IL6ST: variants seen among roughly 807,000 people sequenced by gnomAD.
IL6ST encodes the protein interleukin-6 receptor subunit beta.
IL6ST carries 24 observed loss-of-function variants against 91.3 expected under a neutral mutation model. The ratio of observed to expected loss-of-function variants is 0.26; its 90% CI spans 0.19 to 0.37. The LOEUF is 0.37. Among genes scored for constraint, IL6ST ranks in the 10% least tolerant of loss-of-function variants. The probability of loss-of-function intolerance (pLI) is 1.00; values close to 1 mark genes in which losing one functional copy is unlikely to be tolerated. For synonymous variants in IL6ST, 351 were observed against 373.6 expected, an observed-to-expected ratio of 0.94 and a Z score of 0.70; for missense variants, 914 against 1,078.5, an observed-to-expected ratio of 0.85 and a Z score of 2.14.
At chr5:55,969,364 C>T (rs1050166323) in intron 4 of IL6ST, among the ~76,000 whole-genome samples, 186 bp downstream of exon 4, 4 of 152,186 alleles carry the variant, frequency 2.6e-5, no homozygotes, top group Middle Eastern at 3.4e-3. Flanking sequence ...TAAAGTGAAA[C>T]TGCTTGACTT....
At chr5:55,943,390 A>C (rs1361110797) in intron 15 of IL6ST, among the ~76,000 whole-genome samples, 1 of 152,216 alleles carries the variant, frequency 6.6e-6, no homozygotes, top group African/African-American at 2.4e-5. Flanking sequence ...TCTGGGCAAA[A>C]GGAAACAATT....
At chr5:55,945,140 A>G (rs912857448) in intron 15 of IL6ST, among the ~76,000 whole-genome samples, 2 of 152,162 alleles carry the variant, frequency 1.3e-5, no homozygotes, top group Non-Finnish European at 2.9e-5. Flanking sequence ...TAGTTTTAAA[A>G]AAGTTGACAA....
rs768511842 is a variant in IL6ST at position 55,969,671 on chromosome 5, G to C, written c.249C>G (p.Asn83Lys). Residue 83 changes from asparagine to lysine, a missense_variant, in exon 4 of 17, where the codon AAC (asparagine) becomes AAG (lysine). Coordinates refer to ENST00000381298, the MANE Select transcript of IL6ST (RefSeq NM_002184.4). ...TIPKEQYTII[N>K]RTASSVTFTD... ...TAAAGGTGACACTGGATGCTGTTCT[G>C]TTTATGATAGTATATTGCTCCTTAG... 1.2e-6 allele frequency: 2 copies of C among 1,612,046 alleles called. No homozygotes were observed. Among genetic ancestry groups the C allele is most frequent in the Admixed American group, 3.3e-5 (2 of 60,012 alleles).
rs1750487301 is a variant in IL6ST at position 55,935,796 on chromosome 5, G to C, written c.*5286C>G. ...CTTAAATGGAAAGTTAAGCAATCCTGAACAAGAAAACTCTCTCACTGCCTT... is the reference window on the plus strand; with the variant it reads ...CTTAAATGGAAAGTTAAGCAATCCTCAACAAGAAAACTCTCTCACTGCCTT... On this transcript the variant is annotated 3_prime_UTR_variant, in exon 17 of 17. Coordinates refer to ENST00000381298, the MANE Select transcript of IL6ST (RefSeq NM_002184.4). 4.6e-6 allele frequency: 1 copy of C among 216,748 alleles called. No homozygotes were observed. Among genetic ancestry groups the C allele is most frequent in the African/African-American group, 2.3e-5 (1 of 44,412 alleles). The allele number at this position is 216,748 out of a possible 1,614,324, so 13.4% of individuals were successfully genotyped here.
chr5:55,960,219 T>C (rs1290177386), intron 8 of IL6ST, among the ~76,000 whole-genome samples, 183 bp downstream of exon 8: 2 of 152,110 alleles, frequency 1.3e-5, no homozygotes, highest in African/African-American at 4.8e-5. Context: ...AATAGACTTA[T>C]ACTATCAATG....
chr5:55,985,241 C>T (rs1030404371), intron 1 of IL6ST, among the ~76,000 whole-genome samples: 5 of 152,038 alleles, frequency 3.3e-5, no homozygotes, highest in Non-Finnish European at 5.9e-5. Context: ...AAGGGCCCGA[C>T]GCAGTAGCTC....
rs1316289313 is a variant in IL6ST, at chr5:55,938,746, A to C, written c.*2336T>G. On this transcript the variant is annotated 3_prime_UTR_variant, in exon 17 of 17. Coordinates refer to ENST00000381298, the MANE Select transcript of IL6ST (RefSeq NM_002184.4). ...GACATGCTTGGGAAAGTAATTTTGA[A>C]TGTAAAAAGTTTTATAATTTATTTT... 2.5e-4 allele frequency: 50 copies of C among 200,920 alleles called. No individual in the cohort carries two copies. The East Asian group carries it at 3.8e-3, about 15-fold the overall frequency. The allele number at this position is 200,920 out of a possible 1,614,324, so 12.4% of individuals were successfully genotyped here.
chr5:55,959,610 G>A (rs772929016), intron 8 of IL6ST: 2 of 1,267,294 alleles, frequency 1.6e-6, no homozygotes, highest in Non-Finnish European at 2.1e-6. Context: ...GAGAAAAAAG[G>A]AAAATAAAAA....
chr5:55,942,201 G>A (rs1401996661), intron 16 of IL6ST, among the ~76,000 whole-genome samples: 3 of 152,096 alleles, frequency 2.0e-5, no homozygotes, highest in African/African-American at 7.2e-5. Flanking sequence ...GACTACCGGA[G>A]GATAATAAAT....
intron 14 of IL6ST, chr5:55,950,262 T>G (rs1472297573): frequency 8.7e-6 from 4 of 457,770 alleles, no homozygotes; most frequent in African/African-American, 8.0e-5. Context: ...AGAGGCCGGG[T>G]GCGGTGGCTC....
At chr5:55,990,666 T>C (rs567779521) in intron 1 of IL6ST, among the ~76,000 whole-genome samples, 13 of 152,314 alleles carry the variant, frequency 8.5e-5, no homozygotes, top group African/African-American at 3.1e-4. Context: ...TGTCTCTGAG[T>C]CTTATCAATT....
At chr5:55,965,136 G>T (rs112747839) in intron 5 of IL6ST, among the ~76,000 whole-genome samples, 4 of 152,002 alleles carry the variant, frequency 2.6e-5, no homozygotes, top group African/African-American at 4.8e-5. Flanking sequence ...ACATAGAAAA[G>T]AACTATTCCA....
intron 1 of IL6ST, chr5:55,994,219 G>C (rs962978482): frequency 1.3e-5 from 2 of 151,674 alleles, no homozygotes; most frequent in African/African-American, 4.8e-5. Context: ...TTTAAAAACT[G>C]ATTTGTTCTC....
intron 15 of IL6ST, 139 bp from the exon 16 acceptor site, chr5:55,942,890 C>G: frequency 5.9e-6 from 3 of 508,738 alleles, no homozygotes; most frequent in Non-Finnish European, 1.1e-5. Flanking sequence ...TACTCTACCC[C>G]AAACAAAAAT....
At chr5:55,993,468 G>A (rs16884703) in intron 1 of IL6ST, among the ~76,000 whole-genome samples, 36,854 of 152,102 alleles carry the variant, frequency 0.24, 6,983 homozygotes, top group African/African-American at 0.53. Context: ...TCACAAATAA[G>A]AGTGAGAACA....
chr5:55,937,175 AC>A lies in IL6ST; in HGVS notation c.*3906del, dbSNP rs977247642. The A allele has an allele frequency of 3.3e-5, 7 of 212,820 alleles. No homozygotes were observed. The highest frequency in any genetic ancestry group is 1.9e-4 in the South Asian group (1 of 5,346). 13.2% of individuals were successfully genotyped at this position (212,820 alleles called of 1,614,324 possible). A position where few individuals can be genotyped will look rare whatever the true frequency, so the allele number is the denominator to read the frequency against. On this transcript the variant is annotated 3_prime_UTR_variant, in exon 17 of 17. Coordinates refer to ENST00000381298, the MANE Select transcript of IL6ST (RefSeq NM_002184.4). ...AGCCTGTGTTCAAGAAATAAAAAAAACATCTATCACTATCGGCCTTAAATGC... is the reference window on the plus strand; with the variant it reads ...AGCCTGTGTTCAAGAAATAAAAAAAAATCTATCACTATCGGCCTTAAATGC...
intron 11 of IL6ST, among the ~76,000 whole-genome samples, chr5:55,952,637 TAG>T (rs1751706065): frequency 6.6e-6 from 1 of 152,204 alleles, no homozygotes; most frequent in African/African-American, 2.4e-5. Context: ...CTGGATTTTA[TAG>T]AGTCTGACAA....
At position 55,936,056 on chromosome 5, in the gene IL6ST, T is replaced by C. The variant is rs539526180; in HGVS notation, c.*5026A>G. The C allele has an allele frequency of 3.5e-5, 8 of 228,294 alleles. No individual in the cohort carries two copies. The highest frequency in any genetic ancestry group is 1.8e-4 in the African/African-American group (8 of 45,212). The allele number at this position is 228,294 out of a possible 1,614,324, so 14.1% of individuals were successfully genotyped here. On this transcript the variant is annotated 3_prime_UTR_variant, in exon 17 of 17. Coordinates refer to ENST00000381298, the MANE Select transcript of IL6ST (RefSeq NM_002184.4). ...TATATGTGAAGGAGTTACTGTTGGCTGGCTTGTGGGTTTTTTGACTCACTA... is the reference window on the plus strand; with the variant it reads ...TATATGTGAAGGAGTTACTGTTGGCCGGCTTGTGGGTTTTTTGACTCACTA...
chr5:55,947,102 G>A (rs918816715), intron 15 of IL6ST, among the ~76,000 whole-genome samples: 16 of 152,132 alleles, frequency 1.1e-4, no homozygotes, highest in African/African-American at 3.9e-4. Context: ...TACTTTGAAG[G>A]CTGAGGCAGG....
Sources: allele counts gnomAD v4.1 joint callset (sites outside exome capture counted in the v4.1 genomes callset), GRCh38; gene constraint gnomAD v4.1.1; transcripts MANE v1.5; gene names NCBI Gene and HGNC (gene_info 2026-07-23, HGNC 2026-07-21).